The following CDH18 variants were observed in gnomAD, a reference collection of about 807,000 sequenced individuals.
CDH18 encodes cadherin-18.
A neutral mutation model predicts 67.9 loss-of-function variants in CDH18; 31 were observed. The ratio of observed to expected loss-of-function variants is 0.46; its 90% confidence interval spans 0.34 to 0.62. The LOEUF (loss-of-function observed/expected upper bound fraction) is 0.62. Ranked by LOEUF, CDH18 falls within the 20% of genes least tolerant of loss-of-function variation. CDH18 has a pLI of 0.01. For synonymous variants in CDH18, 362 were observed against 347.2 expected (o/e 1.04, Z -0.48); for missense variants, 890 against 975.5 (o/e 0.91, Z 1.17).
intron 2 of CDH18, among the ~76,000 whole-genome samples, chr5:19,846,325 G>A (rs1782941571): frequency 6.6e-6 from 1 of 151,944 alleles, no homozygotes; most frequent in South Asian, 2.1e-4. Context: ...TTATGTTACT[G>A]ATGTCACAAA....
chr5:19,957,316 A>G (rs892109412), intron 2 of CDH18, among the ~76,000 whole-genome samples: 1 of 151,146 alleles, frequency 6.6e-6, no homozygotes, highest in Non-Finnish European at 1.5e-5. Flanking sequence ...GTGTATATAT[A>G]TGTTTTATAT....
intron 1 of CDH18, among the ~76,000 whole-genome samples, chr5:20,435,149 A>G (rs1268485606): frequency 6.6e-6 from 1 of 152,074 alleles, no homozygotes; most frequent in Non-Finnish European, 1.5e-5. Context: ...ACACACACAC[A>G]TAACCTCAAG....
intron 2 of CDH18, among the ~76,000 whole-genome samples, chr5:20,183,491 A>T (rs964533748): frequency 6.6e-6 from 1 of 152,060 alleles, no homozygotes; most frequent in African/African-American, 2.4e-5. Context: ...AGGCAACGAT[A>T]TTCTCCAAAT....
chr5:20,573,954 A>T (rs1446450035), intron 1 of CDH18, among the ~76,000 whole-genome samples: 1 of 146,506 alleles, frequency 6.8e-6, no homozygotes, highest in African/African-American at 2.5e-5. Flanking sequence ...TAAGTATTTT[A>T]TATATATATA....
At chr5:19,594,537 T>C (rs1349903439) in intron 6 of CDH18, among the ~76,000 whole-genome samples, 1 of 152,210 alleles carries the variant, frequency 6.6e-6, no homozygotes, top group Non-Finnish European at 1.5e-5. Context: ...TGGATTTATT[T>C]AGAGGCTCTA....
At chr5:19,704,350 T>G (rs1763665249) in intron 5 of CDH18, among the ~76,000 whole-genome samples, 1 of 152,176 alleles carries the variant, frequency 6.6e-6, no homozygotes, top group African/African-American at 2.4e-5. Flanking sequence ...TTTTGCTCTG[T>G]GAATGGCCTG....
intron 5 of CDH18, among the ~76,000 whole-genome samples, chr5:19,647,861 C>T (rs2078188): frequency 0.56 from 84,835 of 151,868 alleles, 26,832 homozygotes; most frequent in South Asian, 0.75. Context: ...TTTCATTTGT[C>T]AGTAGGAGAA....
At chr5:20,320,795 T>G (rs1192614784) in intron 1 of CDH18, among the ~76,000 whole-genome samples, 1 of 152,158 alleles carries the variant, frequency 6.6e-6, no homozygotes, top group Non-Finnish European at 1.5e-5. Context: ...GGCTCTTTCC[T>G]GTGGCCCATG....
intron 5 of CDH18, among the ~76,000 whole-genome samples, chr5:19,672,937 C>T (rs1196949463): frequency 1.3e-5 from 2 of 151,974 alleles, no homozygotes; most frequent in East Asian, 1.9e-4. Flanking sequence ...ACCTCTCAAT[C>T]CAGTTATTTT....
intron 2 of CDH18, among the ~76,000 whole-genome samples, chr5:19,940,671 T>C (rs1411108329): frequency 1.3e-5 from 2 of 152,010 alleles, no homozygotes; most frequent in Non-Finnish European, 2.9e-5. Context: ...TCCTAGTTCC[T>C]TCTCAGTTTT....
intron 1 of CDH18, among the ~76,000 whole-genome samples, chr5:20,419,507 G>C (rs1469347297): frequency 8.5e-6 from 1 of 117,754 alleles, no homozygotes; most frequent in South Asian, 2.6e-4. Context: ...ATGGAGTCTC[G>C]CTCTGTCGCC....
At chr5:19,527,758 G>C (rs1747966679) in intron 9 of CDH18, among the ~76,000 whole-genome samples, 1 of 151,748 alleles carries the variant, frequency 6.6e-6, no homozygotes, top group Non-Finnish European at 1.5e-5. Context: ...TCAGTTTACA[G>C]TAAGTGCTCT....
At chr5:20,163,358 G>C (rs1420645774) in intron 2 of CDH18, among the ~76,000 whole-genome samples, 2 of 152,016 alleles carry the variant, frequency 1.3e-5, no homozygotes, top group East Asian at 3.8e-4. Context: ...TCATTTCATA[G>C]TTTATTCAGA....
At chr5:20,538,924 T>TTTTTTTTTTC (rs1756893221) in intron 1 of CDH18, among the ~76,000 whole-genome samples, 1 of 148,352 alleles carries the variant, frequency 6.7e-6, no homozygotes, top group Non-Finnish European at 1.5e-5. Flanking sequence ...TTTTTTTTTT[T>TTTTTTTTTTC]GTCGCCCAGG....
At chr5:19,548,398 TTTCTTCAAA>T (rs1241991321) in intron 8 of CDH18, among the ~76,000 whole-genome samples, 7 of 152,190 alleles carry the variant, frequency 4.6e-5, no homozygotes, top group African/African-American at 1.7e-4. Flanking sequence ...TTTTAAACAA[TTTCTTCAAA>T]TTCTAAGTTG....
intron 1 of CDH18, among the ~76,000 whole-genome samples, chr5:20,316,338 A>C (rs1442202445): frequency 6.6e-6 from 1 of 152,068 alleles, no homozygotes; most frequent in African/African-American, 2.4e-5. Context: ...GAAACTTGAA[A>C]TTTAAGATCT....
At chr5:19,764,474 A>C (rs1183637386) in intron 3 of CDH18, among the ~76,000 whole-genome samples, 1 of 151,942 alleles carries the variant, frequency 6.6e-6, no homozygotes, top group Non-Finnish European at 1.5e-5. Flanking sequence ...ATTCATATTT[A>C]TTAATATAAA....
At chr5:19,502,631 A>G (rs1743444585) in intron 11 of CDH18, 1 of 420,270 alleles carries the variant, frequency 2.4e-6, no homozygotes, top group South Asian at 6.9e-5. Flanking sequence ...TTCCTTTAGT[A>G]ACTGTCTCTA....
chr5:20,288,525 T>C (rs1746860534), intron 1 of CDH18, among the ~76,000 whole-genome samples: 2 of 151,762 alleles, frequency 1.3e-5, no homozygotes, highest in South Asian at 4.1e-4. Flanking sequence ...ATTGTAAGTC[T>C]AGCAAATCTC....
Sources: allele counts gnomAD v4.1 joint callset (sites outside exome capture counted in the v4.1 genomes callset), GRCh38; gene constraint gnomAD v4.1.1; transcripts MANE v1.5; gene names NCBI Gene and HGNC (gene_info 2026-07-23, HGNC 2026-07-21).